The following RASA1 variants were observed in gnomAD, a reference collection of about 807,000 sequenced individuals.
The protein encoded by RASA1 is RAS p21 protein activator 1, also known as ras GTPase-activating protein 1.
RASA1 carries 25 observed loss-of-function variants against 132.2 expected under a neutral mutation model. The observed-to-expected ratio is 0.19, with a 90% CI of 0.14 to 0.26. RASA1 has a LOEUF of 0.26. Ranked by LOEUF, RASA1 falls within the 10% of genes least tolerant of loss-of-function variation. RASA1 has a pLI of 1.00. For missense variants in RASA1, 964 were observed against 1,299.2 expected, an observed-to-expected ratio of 0.74 and a Z score of 3.97; for synonymous variants, 477 against 449.9, an observed-to-expected ratio of 1.06 and a Z score of -0.76.
At chr5:87,370,661 TAAA>T (rs932616005) in intron 12 of RASA1, among the ~76,000 whole-genome samples, 2 of 152,134 alleles carry the variant, frequency 1.3e-5, no homozygotes, top group Non-Finnish European at 2.9e-5. Flanking sequence ...CACTGTCTCT[TAAA>T]AAATTTTTTT....
chr5:87,340,406 A>G (rs1758348918), intron 5 of RASA1, among the ~76,000 whole-genome samples: 1 of 151,904 alleles, frequency 6.6e-6, no homozygotes, highest in South Asian at 2.1e-4. Flanking sequence ...TGATAATGCT[A>G]TTCATTTTTA....
chr5:87,357,119 A>G (rs1198381190), intron 9 of RASA1, among the ~76,000 whole-genome samples: 1 of 152,108 alleles, frequency 6.6e-6, no homozygotes, highest in Non-Finnish European at 1.5e-5. Flanking sequence ...CTCTCTGCCT[A>G]TCTAAATACT....
chr5:87,378,652 CAT>C (rs2112496078), intron 18 of RASA1, 114 bp downstream of exon 18: 1 of 1,135,692 alleles, frequency 8.8e-7, no homozygotes, highest in Admixed American at 2.1e-5. Context: ...AATTATTCCT[CAT>C]AGCAGTTACA....
At chr5:87,384,561 T>G (rs1761939648) in intron 21 of RASA1, among the ~76,000 whole-genome samples, 5 of 152,128 alleles carry the variant, frequency 3.3e-5, no homozygotes, top group Non-Finnish European at 7.4e-5. Context: ...AATCTATAAA[T>G]TATTAATATT....
intron 23 of RASA1, 147 bp from the exon 24 acceptor site, chr5:87,389,246 G>A (rs1382459821): frequency 1.6e-5 from 15 of 941,830 alleles, no homozygotes; most frequent in East Asian, 3.1e-5. Context: ...CAGGAGAATC[G>A]CTTGAACCCG....
At chr5:87,338,492 C>T (rs112932947) in intron 5 of RASA1, among the ~76,000 whole-genome samples, 2,062 of 114,308 alleles carry the variant, frequency 0.018, 47 homozygotes, top group African/African-American at 0.045. Context: ...CCACCATGCC[C>T]AGCTAATTTT....
intron 21 of RASA1, among the ~76,000 whole-genome samples, chr5:87,384,761 T>A (rs1761951192): frequency 6.6e-6 from 1 of 152,128 alleles, no homozygotes; most frequent in Admixed American, 6.6e-5. Context: ...GGGAAGTGCT[T>A]CCTGACTTAC....
intron 5 of RASA1, among the ~76,000 whole-genome samples, chr5:87,338,536 A>ATATATATATATATATTTTTTTT: frequency 1.2e-5 from 1 of 85,222 alleles, no homozygotes; most frequent in African/African-American, 4.4e-5. Flanking sequence ...TATATATAAA[A>ATATATATATATATATTTTTTTT]TTTTTTTTTT....
chr5:87,391,230 GCTGT>G lies in RASA1; in HGVS notation c.*350_*353del, dbSNP rs1431715502. 5 of 429,680 alleles carry G rather than the reference GCTGT, an allele frequency of 1.2e-5. No individual in the cohort carries two copies. Among genetic ancestry groups the G allele is most frequent in the Non-Finnish European group, 1.7e-5 (4 of 233,034 alleles). The allele number at this position is 429,680 out of a possible 1,614,324, so 26.6% of individuals were successfully genotyped here. ...CAGTACACCCAGTTGCCAAAGTTTT[GCTGT>G]CTCTTAGAGAAAGAACTATGAAATC... On this transcript the variant is annotated 3_prime_UTR_variant, in exon 25 of 25. Coordinates refer to ENST00000274376, the MANE Select transcript of RASA1 (RefSeq NM_002890.3).
At chr5:87,339,028 T>C (rs972790522) in intron 5 of RASA1, among the ~76,000 whole-genome samples, 3 of 152,162 alleles carry the variant, frequency 2.0e-5, no homozygotes, top group Admixed American at 6.5e-5. Flanking sequence ...ACTTTGGAAT[T>C]CTCCCTTTCC....
intron 9 of RASA1, among the ~76,000 whole-genome samples, chr5:87,357,906 A>C (rs1288857229): frequency 6.6e-6 from 1 of 152,224 alleles, no homozygotes; most frequent in East Asian, 1.9e-4. Context: ...ATTATAAAGC[A>C]ATTTGATTGA....
chr5:87,352,499 A>T (rs912423579), intron 8 of RASA1, among the ~76,000 whole-genome samples: 2 of 151,748 alleles, frequency 1.3e-5, no homozygotes, highest in African/African-American at 4.8e-5. Context: ...CTTTATATTT[A>T]AAAAAATACG....
rs935679510 is a variant in RASA1 at position 87,348,226 on chromosome 5, T to C, written c.1103-988T>C. Among the ~76,000 whole-genome samples the C allele has an allele frequency of 2.0e-5, 3 of 152,048 alleles. 1 individual carries two copies. The East Asian group carries it at 5.8e-4, about 29-fold the overall frequency. The stretch of plus-strand genomic sequence containing the variant: ...AGATTCAGTTTAAGGAGATTTATTT[T>C]TTTCTTTTTACTGAACATGAAGTTA... On this transcript the variant is annotated intron_variant, in intron 7 of 24. Transcript: ENST00000274376.
At chr5:87,294,330 G>A (rs1008890483) in intron 1 of RASA1, 1 of 152,202 alleles carries the variant, frequency 6.6e-6, no homozygotes, top group Admixed American at 6.5e-5. Flanking sequence ...GTGGTGTCCT[G>A]TTCCCAGGGG....
chr5:87,355,768 A>G (rs373877035), intron 9 of RASA1, among the ~76,000 whole-genome samples: 1 of 152,242 alleles, frequency 6.6e-6, no homozygotes, highest in Non-Finnish European at 1.5e-5. Context: ...CATTAAGAAC[A>G]TTTGTGATTC....
At chr5:87,350,049 A>G (rs1759145212) in intron 8 of RASA1, among the ~76,000 whole-genome samples, 1 of 151,886 alleles carries the variant, frequency 6.6e-6, no homozygotes, top group Admixed American at 6.6e-5. Context: ...TAAAATGCTT[A>G]TATTTGCCTA....
chr5:87,300,159 C>G (rs1221178129), intron 1 of RASA1, among the ~76,000 whole-genome samples: 1 of 151,950 alleles, frequency 6.6e-6, no homozygotes, highest in African/African-American at 2.4e-5. Flanking sequence ...TGCATGAGCC[C>G]GGGAGTTAGA....
At chr5:87,322,167 G>T (rs529650498) in intron 1 of RASA1, among the ~76,000 whole-genome samples, 5 of 151,974 alleles carry the variant, frequency 3.3e-5, no homozygotes, top group Non-Finnish European at 7.4e-5. Context: ...TTAAAGCAGG[G>T]GTCCTCAACC....
At chr5:87,383,856 A>AAT in intron 21 of RASA1, 76 bp downstream of exon 21, 2 of 1,284,996 alleles carry the variant, frequency 1.6e-6, no homozygotes, top group Non-Finnish European at 2.2e-6. Flanking sequence ...AATACTCTTA[A>AAT]ATCTTTTTTT....
Sources: gnomAD v4.1 joint callset for allele counts (sites outside exome capture counted in the v4.1 genomes callset) on GRCh38, gnomAD v4.1.1 for gene constraint, MANE v1.5 for transcripts, NCBI Gene and HGNC (gene_info 2026-07-23, HGNC 2026-07-21) for gene names.